CNTNAP2: variants seen among roughly 807,000 people sequenced by gnomAD.
The protein encoded by CNTNAP2 is contactin-associated protein-like 2.
Under a neutral mutation model 155.2 loss-of-function variants are expected in CNTNAP2, and 98 were observed. The ratio of observed to expected loss-of-function variants is 0.63; its 90% CI spans 0.54 to 0.75. The LOEUF (loss-of-function observed/expected upper bound fraction) is 0.75, where lower values mean the gene tolerates loss of function less well. CNTNAP2 is among the 30% of genes least tolerant of loss of function. The pLI is 0.00. For synonymous variants in CNTNAP2, 651 were observed against 631.2 expected, an observed-to-expected ratio of 1.03 and a Z score of -0.47; for missense variants, 1,727 against 1,688.1, an observed-to-expected ratio of 1.02 and a Z score of -0.40.
At chr7:147,696,766 G>T (rs1372944824) in intron 13 of CNTNAP2, among the ~76,000 whole-genome samples, 4 of 151,702 alleles carry the variant, frequency 2.6e-5, no homozygotes, top group Admixed American at 6.6e-5. Context: ...GGATAGTTTT[G>T]CAGAGTGCAG....
chr7:146,560,450 G>GTA (rs979950312), intron 1 of CNTNAP2, among the ~76,000 whole-genome samples: 11 of 151,814 alleles, frequency 7.2e-5, no homozygotes, highest in Non-Finnish European at 1.0e-4. Flanking sequence ...TGTTATATGT[G>GTA]TATATATATG....
At chr7:147,826,541 T>C (rs916462973) in intron 13 of CNTNAP2, among the ~76,000 whole-genome samples, 3 of 152,224 alleles carry the variant, frequency 2.0e-5, no homozygotes, top group Non-Finnish European at 2.9e-5. Flanking sequence ...GCACATGCTA[T>C]ATATATGATC....
At chr7:146,295,745 T>C (rs918533695) in intron 1 of CNTNAP2, among the ~76,000 whole-genome samples, 3 of 151,868 alleles carry the variant, frequency 2.0e-5, no homozygotes, top group Non-Finnish European at 4.4e-5. Context: ...AGAATTATTA[T>C]CCTGAAAGCA....
In CNTNAP2 at chr7:148,386,397, G is replaced by A. The variant is rs147678585; in HGVS notation, c.3715+2509G>A. Reference sequence around the variant, plus strand: ...ACAAAAATTAGCTGGGCGTGGTGGCGCACGCCTGTAATCCCAGCTCCTCAG... The same window carrying A: ...ACAAAAATTAGCTGGGCGTGGTGGCACACGCCTGTAATCCCAGCTCCTCAG... On this transcript the variant is annotated intron_variant, in intron 22 of 23. Transcript: ENST00000361727. 2.4e-3 allele frequency among the ~76,000 whole-genome samples: 359 copies of A among 152,192 alleles called. 1 individual carries two copies. The highest frequency in any genetic ancestry group is 7.5e-3 in the African/African-American group (311 of 41,544).
chr7:146,558,893 A>G (rs1193663227), intron 1 of CNTNAP2, among the ~76,000 whole-genome samples: 1 of 152,206 alleles, frequency 6.6e-6, no homozygotes, highest in African/African-American at 2.4e-5. Flanking sequence ...CACAATGTCT[A>G]CAAGATTCAT....
chr7:148,305,597 A>T (rs935041785), intron 21 of CNTNAP2, among the ~76,000 whole-genome samples: 2 of 152,210 alleles, frequency 1.3e-5, no homozygotes, highest in Admixed American at 1.3e-4. Context: ...ACGCCTCAGG[A>T]AACTTATAAT....
intron 1 of CNTNAP2, among the ~76,000 whole-genome samples, chr7:146,505,986 T>A (rs1797378547): frequency 6.6e-6 from 1 of 152,184 alleles, no homozygotes; most frequent in Non-Finnish European, 1.5e-5. Flanking sequence ...TATCACTCAA[T>A]AATACCAGTA....
intron 1 of CNTNAP2, among the ~76,000 whole-genome samples, chr7:146,587,302 C>G (rs930224154): frequency 6.6e-6 from 1 of 152,104 alleles, no homozygotes; most frequent in South Asian, 2.1e-4. Flanking sequence ...CTGTCAGCTC[C>G]TTGGAGGTAC....
chr7:146,124,758 C>T (rs956535708), intron 1 of CNTNAP2, among the ~76,000 whole-genome samples: 1 of 152,034 alleles, frequency 6.6e-6, no homozygotes, highest in African/African-American at 2.4e-5. Context: ...CTGAAGAAAA[C>T]ATGATTCGGG....
intron 8 of CNTNAP2, among the ~76,000 whole-genome samples, chr7:147,159,468 G>C (rs988087750): frequency 6.6e-6 from 1 of 152,026 alleles, no homozygotes; most frequent in Non-Finnish European, 1.5e-5. Context: ...TTGATGTTCA[G>C]ATATTGTTTG....
chr7:146,570,954 A>C (rs973612383), intron 1 of CNTNAP2, among the ~76,000 whole-genome samples: 1 of 152,152 alleles, frequency 6.6e-6, no homozygotes, highest in Non-Finnish European at 1.5e-5. Context: ...AATAATAAGA[A>C]AATACTTAGG....
chr7:147,379,077 C>G (rs73475216), intron 9 of CNTNAP2, among the ~76,000 whole-genome samples: 1 of 151,988 alleles, frequency 6.6e-6, no homozygotes, highest in African/African-American at 2.4e-5. Context: ...CTTGCTGCCT[C>G]CATGTGAAGA....
At chr7:147,703,640 G>A (rs534066288) in intron 13 of CNTNAP2, among the ~76,000 whole-genome samples, 1 of 152,264 alleles carries the variant, frequency 6.6e-6, no homozygotes, top group South Asian at 2.1e-4. Flanking sequence ...TGCATAGAGG[G>A]TATAATGATC....
rs189526301 is a variant in CNTNAP2, at chr7:146,394,816, G to A, written c.97+277843G>A. Among the ~76,000 whole-genome samples the A allele has an allele frequency of 2.6e-5, 4 of 152,186 alleles. No homozygotes were observed. In the East Asian group the frequency reaches 7.7e-4, roughly 29 times the overall value. On this transcript the variant is annotated intron_variant, in intron 1 of 23. Coordinates refer to ENST00000361727, the MANE Select transcript of CNTNAP2 (RefSeq NM_014141.6). Reference sequence around the variant, plus strand: ...TTTCATGCATATATTGCATAATGGTGAAGTGTGGGCTTTTAGTATAACCAT... The same window carrying A: ...TTTCATGCATATATTGCATAATGGTAAAGTGTGGGCTTTTAGTATAACCAT...
At chr7:146,988,890 C>A (rs1798161890) in intron 3 of CNTNAP2, among the ~76,000 whole-genome samples, 3 of 152,170 alleles carry the variant, frequency 2.0e-5, no homozygotes. Flanking sequence ...CTGTTGTGAA[C>A]TTGCTCCCAA....
chr7:146,561,440 A>C (rs1004113711), intron 1 of CNTNAP2, among the ~76,000 whole-genome samples: 2 of 152,116 alleles, frequency 1.3e-5, no homozygotes, highest in African/African-American at 4.8e-5. Flanking sequence ...GAATCACTTG[A>C]GCCCAGGAGT....
chr7:147,831,586 A>T (rs570721288), intron 13 of CNTNAP2, among the ~76,000 whole-genome samples: 2 of 152,338 alleles, frequency 1.3e-5, no homozygotes, highest in South Asian at 4.1e-4. Flanking sequence ...TCAATTACAG[A>T]CCACTCTTAT....
At chr7:148,019,775 G>T (rs1012880359) in intron 15 of CNTNAP2, among the ~76,000 whole-genome samples, 7 of 151,466 alleles carry the variant, frequency 4.6e-5, no homozygotes, top group Admixed American at 3.3e-4. Flanking sequence ...TTCTTTTTTT[G>T]GGGGGAGGGG....
chr7:147,102,121 T>C (rs1800669014), intron 4 of CNTNAP2, among the ~76,000 whole-genome samples: 1 of 152,028 alleles, frequency 6.6e-6, no homozygotes, highest in Non-Finnish European at 1.5e-5. Flanking sequence ...AAGTAAACTA[T>C]GAGTTTTAAA....
Sources: gnomAD v4.1 joint callset for allele counts (sites outside exome capture counted in the v4.1 genomes callset) on GRCh38, gnomAD v4.1.1 for gene constraint, MANE v1.5 for transcripts, NCBI Gene and HGNC (gene_info 2026-07-23, HGNC 2026-07-21) for gene names.